The following RGS22 variants were observed in gnomAD, a reference collection of about 807,000 sequenced individuals.
RGS22 encodes regulator of G-protein signaling 22.
RGS22 carries 148 observed loss-of-function variants against 172.9 expected under a neutral mutation model. That is an observed-to-expected ratio of 0.86 (90% CI 0.75 to 0.98). RGS22 has a LOEUF of 0.98. Among genes scored for constraint, RGS22 ranks in the 50% least tolerant of loss-of-function variants. The probability of loss-of-function intolerance (pLI) is 0.00; values close to 1 mark genes in which losing one functional copy is unlikely to be tolerated. For synonymous variants in RGS22, 458 were observed against 480.2 expected, an observed-to-expected ratio of 0.95 and a Z score of 0.60; for missense variants, 1,347 against 1,440.8, an observed-to-expected ratio of 0.93 and a Z score of 1.05.
At chr8:99,996,641 A>C in intron 19 of RGS22, 111 bp from the exon 20 acceptor site, 1 of 914,452 alleles carries the variant, frequency 1.1e-6, no homozygotes, top group Non-Finnish European at 1.7e-6. Flanking sequence ...GACAAGAGAT[A>C]GTGAAGTTTA....
At chr8:100,062,555 A>C in intron 9 of RGS22, 36 bp downstream of exon 9, 3 of 1,418,350 alleles carry the variant, frequency 2.1e-6, no homozygotes, top group Non-Finnish European at 2.9e-6. Context: ...TGGCGTAAGG[A>C]AAGTGAAAGT....
chr8:100,096,377 G>GGT (rs1812969008), intron 2 of RGS22, among the ~76,000 whole-genome samples: 2 of 152,130 alleles, frequency 1.3e-5, no homozygotes, highest in South Asian at 4.1e-4. Flanking sequence ...GTTGAATGAA[G>GGT]GTAGGAACAC....
chr8:100,016,804 T>C (rs1385470970), intron 14 of RGS22, among the ~76,000 whole-genome samples: 1 of 151,520 alleles, frequency 6.6e-6, no homozygotes, highest in Non-Finnish European at 1.5e-5. Context: ...AATAATAATA[T>C]ACCTAATGCT....
chr8:100,029,179 T>C (rs1479543831), intron 14 of RGS22, among the ~76,000 whole-genome samples: 1 of 152,118 alleles, frequency 6.6e-6, no homozygotes, highest in Non-Finnish European at 1.5e-5. Flanking sequence ...ATGTGAACAC[T>C]GAAGCTGATC....
intron 4 of RGS22, 52 bp downstream of exon 4, chr8:100,080,082 T>C: frequency 1.5e-6 from 2 of 1,304,532 alleles, no homozygotes; most frequent in Non-Finnish European, 2.2e-6. Context: ...CTCATGTTAA[T>C]TTCACCAAAT....
At chr8:100,025,034 AAAT>A (rs1818028273) in intron 14 of RGS22, among the ~76,000 whole-genome samples, 1 of 151,822 alleles carries the variant, frequency 6.6e-6, no homozygotes, top group African/African-American at 2.4e-5. Flanking sequence ...ATAAATAAAT[AAAT>A]GAGGATCTTT....
At chr8:99,969,234 G>A (rs1263114112) in intron 23 of RGS22, among the ~76,000 whole-genome samples, 1 of 152,138 alleles carries the variant, frequency 6.6e-6, no homozygotes, top group African/African-American at 2.4e-5. Context: ...AAGAGCTCCT[G>A]AAGGAAGCAC....
At chr8:99,980,537 G>C (rs1337328922) in intron 22 of RGS22, among the ~76,000 whole-genome samples, 1 of 152,172 alleles carries the variant, frequency 6.6e-6, no homozygotes, top group African/African-American at 2.4e-5. Flanking sequence ...CCTGGGGTAG[G>C]AGGCAATGCC....
At chr8:100,008,767 C>T (rs1428013955) in intron 14 of RGS22, among the ~76,000 whole-genome samples, 198 bp from the exon 15 acceptor site, 1 of 152,124 alleles carries the variant, frequency 6.6e-6, no homozygotes. Flanking sequence ...TTTTGTTTTC[C>T]AATTTCTTCA....
intron 15 of RGS22, 114 bp from the exon 16 acceptor site, chr8:100,006,223 C>A: frequency 1.3e-6 from 1 of 793,304 alleles, no homozygotes; most frequent in Admixed American, 2.8e-5. Flanking sequence ...AAAGCAAAAG[C>A]AGGAAGATAA....
chr8:100,060,421 T>TATATATATATATATATATATATATAC lies in RGS22; in HGVS notation c.1514+2169_1514+2170insGTATATATATATATATATATATATAT, dbSNP rs1245783464. Among the ~76,000 whole-genome samples the TATATATATATATATATATATATATAC allele has an allele frequency of 4.0e-3, 477 of 119,094 alleles. 3 individuals are homozygous for TATATATATATATATATATATATATAC. Among genetic ancestry groups the TATATATATATATATATATATATATAC allele is most frequent in the Non-Finnish European group, 6.8e-3 (366 of 53,870 alleles). 78.1% of individuals were successfully genotyped at this position (119,094 alleles called of 152,430 possible). A position where few individuals can be genotyped will look rare whatever the true frequency, so the allele number is the denominator to read the frequency against. On this transcript the variant is annotated intron_variant, in intron 9 of 27. Coordinates refer to ENST00000360863, the MANE Select transcript of RGS22 (RefSeq NM_015668.5). ...CTACGTGTATATATATATATATATA[T>TATATATATATATATATATATATATAC]ACACACACACACACACACACGCACC...
chr8:99,981,886 G>A lies in RGS22; in HGVS notation c.3360+51C>T, dbSNP rs78191392. 1,130 of 1,498,068 alleles carry A rather than the reference G, an allele frequency of 7.5e-4. 4 individuals carry two copies. The African/African-American group carries it at 0.013, about 17-fold the overall frequency. The allele number at this position is 1,498,068 out of a possible 1,614,324, so 92.8% of individuals were successfully genotyped here. ...CCAAAAGGATATCTATCTTTAAAAG[G>A]ATTGTCAATCTATTTTAAAATATGC... On this transcript the variant is annotated intron_variant, in intron 22 of 27. Coordinates refer to ENST00000360863, the MANE Select transcript of RGS22 (RefSeq NM_015668.5).
At chr8:99,962,614 A>T in intron 26 of RGS22, 73 bp downstream of exon 26, 1 of 1,477,216 alleles carries the variant, frequency 6.8e-7, no homozygotes, top group Non-Finnish European at 9.3e-7. Flanking sequence ...GTACATTCTG[A>T]ATGGCCAGGT....
chr8:99,967,700 G>C (rs1359423315), intron 23 of RGS22, among the ~76,000 whole-genome samples: 5 of 152,218 alleles, frequency 3.3e-5, no homozygotes, highest in Non-Finnish European at 7.3e-5. Context: ...TCACTGGGCA[G>C]GGCATCTCTG....
At chr8:100,082,602 G>A (rs1327156241) in intron 3 of RGS22, among the ~76,000 whole-genome samples, 1 of 152,144 alleles carries the variant, frequency 6.6e-6, no homozygotes, top group Non-Finnish European at 1.5e-5. Context: ...CTGATGGTAG[G>A]GATGGCTAAG....
intron 14 of RGS22, 74 bp from the exon 15 acceptor site, chr8:100,008,643 C>T: frequency 8.5e-7 from 1 of 1,179,846 alleles, no homozygotes; most frequent in Non-Finnish European, 1.2e-6. Flanking sequence ...TCAACATAGG[C>T]ATTTTTTAAA....
At chr8:100,029,791 G>A (rs182709979) in intron 14 of RGS22, among the ~76,000 whole-genome samples, 116 of 150,960 alleles carry the variant, frequency 7.7e-4, no homozygotes, top group Admixed American at 4.6e-3. Context: ...ATGTATCCCA[G>A]GACTTAAAGT....
At chr8:100,062,376 A>G (rs1333962748) in intron 9 of RGS22, among the ~76,000 whole-genome samples, 2 of 152,174 alleles carry the variant, frequency 1.3e-5, no homozygotes, top group African/African-American at 4.8e-5. Flanking sequence ...CACCAAAGTT[A>G]AAAGGCAACT....
At position 100,003,104 on chromosome 8, in the gene RGS22, A is replaced by C. The variant is rs372704403; in HGVS notation, c.2628-740T>G. Reference sequence around the variant, plus strand: ...AAGAACTACTATTTGATAGCACAATAGGATGACTATAGTCAATAATAACTT... The same window carrying C: ...AAGAACTACTATTTGATAGCACAATCGGATGACTATAGTCAATAATAACTT... On this transcript the variant is annotated intron_variant, in intron 17 of 27. Transcript: ENST00000360863. The C allele has an allele frequency of 3.4e-5, 7 of 205,238 alleles. No individual in the cohort carries two copies. In the East Asian group the frequency reaches 9.8e-4, roughly 29 times the overall value. The allele number at this position is 205,238 out of a possible 1,614,324, so 12.7% of individuals were successfully genotyped here. A position where few individuals can be genotyped will look rare whatever the true frequency, so the allele number is the denominator to read the frequency against.
Sources: allele counts gnomAD v4.1 joint callset (sites outside exome capture counted in the v4.1 genomes callset), GRCh38; gene constraint gnomAD v4.1.1; transcripts MANE v1.5; gene names NCBI Gene and HGNC (gene_info 2026-07-23, HGNC 2026-07-21).